The following THSD7B variants were observed in gnomAD, a reference collection of about 807,000 sequenced individuals.
The protein encoded by THSD7B is thrombospondin type 1 domain containing 7B.
A neutral mutation model predicts 213.6 loss-of-function variants in THSD7B; 138 were observed. The observed-to-expected ratio is 0.65, with a 90% CI of 0.56 to 0.74. The LOEUF (loss-of-function observed/expected upper bound fraction) is 0.74. THSD7B is among the 30% of genes least tolerant of loss of function. THSD7B has a pLI of 0.00. For synonymous variants in THSD7B, 742 were observed against 687.0 expected, an observed-to-expected ratio of 1.08 and a Z score of -1.25; for missense variants, 1,931 against 1,991.5, an observed-to-expected ratio of 0.97 and a Z score of 0.58.
chr2:137,299,181 G>A (rs1309251613), intron 12 of THSD7B, among the ~76,000 whole-genome samples: 1 of 152,094 alleles, frequency 6.6e-6, no homozygotes, highest in African/African-American at 2.4e-5. Flanking sequence ...TCATTTTGGA[G>A]CTTTAAAATT....
intron 12 of THSD7B, among the ~76,000 whole-genome samples, chr2:137,383,155 C>G (rs1417967454): frequency 6.6e-6 from 1 of 152,170 alleles, no homozygotes; most frequent in Non-Finnish European, 1.5e-5. Context: ...TGTGACAAGA[C>G]CTGTAGGTGG....
At chr2:136,906,936 GTTTTTTTTTTTTTT>G (rs57887270) in intron 2 of THSD7B, among the ~76,000 whole-genome samples, 2 of 55,096 alleles carry the variant, frequency 3.6e-5, no homozygotes, top group African/African-American at 8.9e-5. Context: ...ACATTTCAAG[GTTTTTTTTTTTTTT>G]TTTTTTTTTT....
intron 12 of THSD7B, among the ~76,000 whole-genome samples, chr2:137,363,426 C>CA (rs905733048): frequency 1.7e-4 from 26 of 151,876 alleles, no homozygotes; most frequent in African/African-American, 5.8e-4. Flanking sequence ...AAAAACCCTT[C>CA]AAAAAAATCA....
intron 5 of THSD7B, among the ~76,000 whole-genome samples, chr2:137,151,685 A>T (rs1679822435): frequency 6.6e-6 from 1 of 152,190 alleles, no homozygotes; most frequent in South Asian, 2.1e-4. Flanking sequence ...CCAGTAATAC[A>T]ATTATTTATT....
intron 7 of THSD7B, among the ~76,000 whole-genome samples, chr2:137,230,751 A>G (rs963443740): frequency 1.3e-5 from 2 of 152,178 alleles, no homozygotes; most frequent in African/African-American, 4.8e-5. Context: ...TATACTTGTT[A>G]TATATGGTTG....
chr2:137,544,820 T>C (rs949819994), intron 15 of THSD7B, among the ~76,000 whole-genome samples: 1 of 151,846 alleles, frequency 6.6e-6, no homozygotes, highest in Non-Finnish European at 1.5e-5. Context: ...CTTCTTTTTT[T>C]GGAGGAATCA....
intron 1 of THSD7B, among the ~76,000 whole-genome samples, chr2:136,816,727 T>C (rs1390349099): frequency 6.6e-6 from 1 of 152,228 alleles, no homozygotes; most frequent in Non-Finnish European, 1.5e-5. Context: ...GCATCTCCAC[T>C]GGGAATGCAC....
intron 1 of THSD7B, among the ~76,000 whole-genome samples, chr2:136,768,549 A>G (rs1681449384): frequency 6.6e-6 from 1 of 152,214 alleles, no homozygotes; most frequent in Non-Finnish European, 1.5e-5. Context: ...ATGACAAATG[A>G]TACAATATAT....
intron 12 of THSD7B, among the ~76,000 whole-genome samples, chr2:137,281,514 C>T (rs1460011395): frequency 6.6e-6 from 1 of 151,858 alleles, no homozygotes; most frequent in African/African-American, 2.4e-5. Context: ...CCCACTAACT[C>T]GTCATCTAGC....
chr2:137,316,264 C>G (rs1191965076), intron 12 of THSD7B, among the ~76,000 whole-genome samples: 1 of 152,190 alleles, frequency 6.6e-6, no homozygotes, highest in Non-Finnish European at 1.5e-5. Flanking sequence ...AGTTGTAGAA[C>G]TTGGTGAAGG....
chr2:137,206,525 T>C (rs554730750), intron 7 of THSD7B, among the ~76,000 whole-genome samples: 2 of 152,204 alleles, frequency 1.3e-5, no homozygotes, highest in African/African-American at 4.8e-5. Flanking sequence ...ACTGATTTAA[T>C]TGGATTTGGA....
chr2:136,830,800 C>T (rs934215150), intron 1 of THSD7B, among the ~76,000 whole-genome samples: 1 of 151,946 alleles, frequency 6.6e-6, no homozygotes, highest in Admixed American at 6.6e-5. Context: ...TTAGTTATGC[C>T]CTGTCGAAAT....
chr2:136,969,957 C>A (rs1363461546), intron 2 of THSD7B, among the ~76,000 whole-genome samples: 1 of 151,954 alleles, frequency 6.6e-6, no homozygotes, highest in Non-Finnish European at 1.5e-5. Context: ...CAACCACATG[C>A]CTACAAAAGG....
intron 1 of THSD7B, among the ~76,000 whole-genome samples, chr2:136,789,658 C>T (rs1681926893): frequency 6.6e-6 from 1 of 152,060 alleles, no homozygotes; most frequent in African/African-American, 2.4e-5. Flanking sequence ...GAAATAGATA[C>T]TTTAAGAATA....
chr2:136,785,069 A>G (rs1681816156), intron 1 of THSD7B, among the ~76,000 whole-genome samples: 1 of 152,160 alleles, frequency 6.6e-6, no homozygotes, highest in Admixed American at 6.5e-5. Flanking sequence ...TTGTTGTGGG[A>G]GGGGCTTCTG....
At chr2:137,214,449 A>G (rs1458795602) in intron 7 of THSD7B, among the ~76,000 whole-genome samples, 2 of 152,172 alleles carry the variant, frequency 1.3e-5, no homozygotes, top group Non-Finnish European at 2.9e-5. Context: ...TTTATTTATT[A>G]TATTTTAAGT....
At chr2:137,285,229 C>A (rs946761000) in intron 12 of THSD7B, among the ~76,000 whole-genome samples, 2 of 152,082 alleles carry the variant, frequency 1.3e-5, no homozygotes, top group South Asian at 4.2e-4. Context: ...CAACCCCTGC[C>A]TTTTTTTGTT....
chr2:137,469,808 T>C (rs1374542600), intron 15 of THSD7B, among the ~76,000 whole-genome samples: 2 of 152,222 alleles, frequency 1.3e-5, no homozygotes, highest in Non-Finnish European at 2.9e-5. Flanking sequence ...GTTTCTCTAA[T>C]GACTTTGTAA....
At chr2:136,967,379 C>G (rs575160116) in intron 2 of THSD7B, among the ~76,000 whole-genome samples, 7 of 152,262 alleles carry the variant, frequency 4.6e-5, no homozygotes, top group Non-Finnish European at 8.8e-5. Context: ...TCTCCTCGTT[C>G]TATTTGTTAT....
Sources: allele counts gnomAD v4.1 joint callset (sites outside exome capture counted in the v4.1 genomes callset), GRCh38; gene constraint gnomAD v4.1.1; transcripts MANE v1.5; gene names NCBI Gene and HGNC (gene_info 2026-07-23, HGNC 2026-07-21).